IZUMO2: variants seen among roughly 807,000 people sequenced by gnomAD.
IZUMO2 encodes IZUMO family member 2.
A neutral mutation model predicts 31.2 loss-of-function variants in IZUMO2; 24 were observed. The ratio of observed to expected loss-of-function variants is 0.77; its 90% CI spans 0.56 to 1.08. IZUMO2 has a LOEUF of 1.08. Ranked by LOEUF, IZUMO2 falls within the 50% of genes least tolerant of loss-of-function variation. The pLI, the probability that IZUMO2 is intolerant of heterozygous loss-of-function variation, is 0.00. For synonymous variants in IZUMO2, 144 were observed against 117.3 expected (o/e 1.23, Z -1.47); for missense variants, 278 against 274.0 (o/e 1.01, Z -0.10).
intron 1 of IZUMO2, 35 bp from the exon 2 acceptor site, chr19:50,162,848 C>A: frequency 6.2e-7 from 1 of 1,607,632 alleles, no homozygotes; most frequent in South Asian, 1.1e-5. Context: ...TCCAGTGAGC[C>A]CCCCAGAGAG....
At chr19:50,160,345 C>T (rs1047094551) in intron 2 of IZUMO2, 12 of 152,094 alleles carry the variant, frequency 7.9e-5, no homozygotes, top group Non-Finnish European at 1.5e-4. Flanking sequence ...GTGCAAAAAA[C>T]CTGTAAAATA....
chr19:50,154,542 T>C, intron 6 of IZUMO2, 58 bp downstream of exon 6: 3 of 1,597,742 alleles, frequency 1.9e-6, no homozygotes, highest in Non-Finnish European at 2.6e-6. Context: ...GGAGTCGCCA[T>C]TTTTGAGGGG....
chr19:50,154,186 G>A (rs2030125518), intron 6 of IZUMO2, among the ~76,000 whole-genome samples: 1 of 148,386 alleles, frequency 6.7e-6, no homozygotes, highest in Non-Finnish European at 1.5e-5. Context: ...TAATTATGAT[G>A]ATGCATAGAA....
chr19:50,159,258 A>T lies in IZUMO2; in HGVS notation c.395-8T>A, dbSNP rs764256514. ...AAAGTTTGGGGTTGCAGGCTGCAAG[A>T]GAAAATTGCTGAGGTGAGTTAAATT... On this transcript the variant is annotated splice_polypyrimidine_tract_variant and splice_region_variant and intron_variant, in intron 3 of 6. Transcript: ENST00000293405. The T allele has an allele frequency of 6.2e-7, 1 of 1,610,852 alleles. No homozygotes were observed. Among genetic ancestry groups the T allele is most frequent in the Admixed American group, 1.7e-5 (1 of 59,492 alleles).
At chr19:50,154,187 A>G (rs1399534946) in intron 6 of IZUMO2, among the ~76,000 whole-genome samples, 1 of 150,108 alleles carries the variant, frequency 6.7e-6, no homozygotes, top group Non-Finnish European at 1.5e-5. Flanking sequence ...AATTATGATG[A>G]TGCATAGAAC....
intron 5 of IZUMO2, 26 bp from the exon 6 acceptor site, chr19:50,154,752 G>T: frequency 1.2e-6 from 2 of 1,610,870 alleles, no homozygotes; most frequent in South Asian, 2.2e-5. Flanking sequence ...AAACAGCCCC[G>T]ACCTCCACGT....
chr19:50,160,910 G>A (rs896478356), intron 2 of IZUMO2: 1 of 152,144 alleles, frequency 6.6e-6, no homozygotes, highest in Non-Finnish European at 1.5e-5. Context: ...CTCACTGAAG[G>A]TGGGATTTAT....
chr19:50,154,166 A>C (rs2030124657), intron 6 of IZUMO2, among the ~76,000 whole-genome samples: 1 of 151,520 alleles, frequency 6.6e-6, no homozygotes, highest in African/African-American at 2.4e-5. Flanking sequence ...ATAAATGAAT[A>C]TAACAACAGT....
At chr19:50,159,814 A>T (rs1795511068) in intron 2 of IZUMO2, among the ~76,000 whole-genome samples, 1 of 151,540 alleles carries the variant, frequency 6.6e-6, no homozygotes, top group African/African-American at 2.4e-5. Context: ...CACTTTCCTC[A>T]TCTGGCAAGT....
intron 6 of IZUMO2, among the ~76,000 whole-genome samples, chr19:50,154,247 C>A (rs1290837): frequency 0.96 from 130,349 of 136,196 alleles, 62,404 homozygotes; most frequent in East Asian, 1. Context: ...ATGCATCCAC[C>A]AAATATAACT....
At chr19:50,159,446 A>G in intron 3 of IZUMO2, 48 bp downstream of exon 3, 1 of 1,387,662 alleles carries the variant, frequency 7.2e-7, no homozygotes, top group Non-Finnish European at 1.0e-6. Flanking sequence ...GGGGATCAAG[A>G]GGTCAAGGGA....
At chr19:50,159,171 G>C in intron 4 of IZUMO2, 59 bp downstream of exon 4, 5 of 1,561,390 alleles carry the variant, frequency 3.2e-6, no homozygotes, top group Non-Finnish European at 3.5e-6. Flanking sequence ...GATTTGGGGA[G>C]ACAGGGTGAA....
intron 2 of IZUMO2, among the ~76,000 whole-genome samples, chr19:50,161,829 C>T (rs2030409461): frequency 1.3e-5 from 2 of 152,318 alleles, no homozygotes; most frequent in South Asian, 2.1e-4. Flanking sequence ...CTTAGCATCT[C>T]CCTCCATTTG....
intron 5 of IZUMO2, among the ~76,000 whole-genome samples, chr19:50,157,279 T>C (rs2030242113): frequency 6.7e-6 from 1 of 149,650 alleles, no homozygotes. Flanking sequence ...TCAACCCGGA[T>C]AGATAGATGT....
In IZUMO2 at chr19:50,163,092, G is replaced by A; in HGVS notation, c.103C>T (p.Leu35=). 6 of 1,612,258 alleles carry A rather than the reference G, an allele frequency of 3.7e-6. No individual in the cohort carries two copies. The highest frequency in any genetic ancestry group is 5.1e-6 in the Non-Finnish European group (6 of 1,179,240). ...CGACTGGGGATGAGGGCGGAGCGCA[G>A]GTGACCCAGGGCCTCCAGCACCAAG... ...DPLVLEALGH[L]RSALIPSRFQ... The change falls in exon 1 of 7, where the codon CTG becomes TTG. Residue 35 remains leucine (L), a synonymous_variant. Coordinates refer to ENST00000293405, the MANE Select transcript of IZUMO2 (RefSeq NM_152358.3).
intron 5 of IZUMO2, among the ~76,000 whole-genome samples, chr19:50,157,808 T>C (rs2030262610): frequency 6.6e-6 from 1 of 150,612 alleles, no homozygotes; most frequent in African/African-American, 2.4e-5. Context: ...TAGTCCCAGC[T>C]ACTTGGGAGG....
In IZUMO2 at chr19:50,155,803, A is replaced by G. The variant is rs186634111; in HGVS notation, c.497-1077T>C. 7.0e-4 allele frequency among the ~76,000 whole-genome samples: 107 copies of G among 152,224 alleles called. 1 individual carries two copies. The highest frequency in any genetic ancestry group is 2.5e-3 in the African/African-American group (104 of 41,528). ...CTCCATGGCCCCCCATCTCAGAATA[A>G]AAGCTCAAGTTCTCACCATGCTCTT... is the stretch of plus-strand genomic sequence containing the variant. On this transcript the variant is annotated intron_variant, in intron 5 of 6. Transcript: ENST00000293405.
At position 50,154,614 on chromosome 19, in the gene IZUMO2, C is replaced by A. The variant is rs1026277967; in HGVS notation, c.609G>T (p.Val203=). ...GGATGACTCACGAGACCACGATGAC[C>A]ACGAAGACAAAGACAGCCAGAGACA... ...ISVSLAVFVF[V]VIVVSACTYR... The change falls in exon 6 of 7, where the codon GTG becomes GTT. Residue 203 remains valine, a synonymous_variant. Coordinates refer to ENST00000293405, the MANE Select transcript of IZUMO2 (RefSeq NM_152358.3). 6.2e-7 allele frequency: 1 copy of A among 1,613,822 alleles called. No individual in the cohort carries two copies. The highest frequency in any genetic ancestry group is 8.5e-7 in the Non-Finnish European group (1 of 1,179,974).
At chr19:50,156,926 T>C (rs1024224340) in intron 5 of IZUMO2, among the ~76,000 whole-genome samples, 3 of 152,140 alleles carry the variant, frequency 2.0e-5, no homozygotes, top group Non-Finnish European at 4.4e-5. Context: ...CAGTGGGACC[T>C]GGAATTATTT....
Sources: allele counts gnomAD v4.1 joint callset (sites outside exome capture counted in the v4.1 genomes callset), GRCh38; gene constraint gnomAD v4.1.1; transcripts MANE v1.5; gene names NCBI Gene and HGNC (gene_info 2026-07-23, HGNC 2026-07-21).